CRACD: variants seen among roughly 807,000 people sequenced by gnomAD.
The protein encoded by CRACD is capping protein inhibiting regulator of actin dynamics, also known as capping protein-inhibiting regulator of actin dynamics.
CRACD carries 56 observed loss-of-function variants against 106.8 expected under a neutral mutation model. The ratio of observed to expected loss-of-function variants is 0.52; its 90% CI spans 0.42 to 0.66. The LOEUF (loss-of-function observed/expected upper bound fraction) is 0.66. CRACD is among the 30% of genes least tolerant of loss of function. CRACD has a pLI of 0.00. For missense variants in CRACD, 1,730 were observed against 1,623.2 expected (o/e 1.07, Z -1.13); for synonymous variants, 754 against 670.8 (o/e 1.12, Z -1.92).
intron 2 of CRACD, among the ~76,000 whole-genome samples, chr4:56,198,077 A>G (rs937504409): frequency 3.3e-5 from 5 of 152,012 alleles, no homozygotes; most frequent in African/African-American, 9.7e-5. Context: ...GAAATCACTA[A>G]TTTACTTTGC....
chr4:56,185,815 A>G (rs554290987), intron 2 of CRACD, among the ~76,000 whole-genome samples: 2 of 152,330 alleles, frequency 1.3e-5, no homozygotes, highest in East Asian at 3.9e-4. Flanking sequence ...ACTTCAGTTT[A>G]TCCCATCATC....
intron 1 of CRACD, among the ~76,000 whole-genome samples, chr4:56,165,298 C>A (rs1215633041): frequency 6.6e-6 from 1 of 152,194 alleles, no homozygotes; most frequent in Non-Finnish European, 1.5e-5. Flanking sequence ...GTAGCAGCAA[C>A]AGACAGAAAT....
intron 1 of CRACD, among the ~76,000 whole-genome samples, chr4:56,174,176 A>G (rs1208519597): frequency 3.3e-5 from 5 of 152,220 alleles, no homozygotes; most frequent in African/African-American, 9.6e-5. Flanking sequence ...TAATGGATAC[A>G]TAATAGTTGT....
At chr4:56,298,558 C>A (rs563660365) in intron 4 of CRACD, among the ~76,000 whole-genome samples, 40 of 152,298 alleles carry the variant, frequency 2.6e-4, no homozygotes, top group African/African-American at 8.9e-4. Flanking sequence ...CTGCAGCCAT[C>A]TGCATGACAC....
chr4:56,278,843 C>T (rs1715503), intron 3 of CRACD, among the ~76,000 whole-genome samples: 68,564 of 151,868 alleles, frequency 0.45, 16,067 homozygotes, highest in African/African-American at 0.58. Context: ...TAATAGACAT[C>T]GCTCCACAAA....
intron 2 of CRACD, among the ~76,000 whole-genome samples, chr4:56,186,230 T>C (rs1737090277): frequency 6.6e-6 from 1 of 152,182 alleles, no homozygotes; most frequent in Non-Finnish European, 1.5e-5. Context: ...GGTCTAATAA[T>C]ACAGAACTTA....
intron 1 of CRACD, among the ~76,000 whole-genome samples, chr4:56,125,756 T>C (rs1052942490): frequency 4.9e-5 from 7 of 141,448 alleles, no homozygotes; most frequent in African/African-American, 1.9e-4. Flanking sequence ...ATTACTGTCA[T>C]TCTTCTTCTT....
rs186821124 is a variant in CRACD, at chr4:56,314,138, C to T, written c.636C>T (p.Pro212=). 1,256 of 1,614,170 alleles carry T rather than the reference C, an allele frequency of 7.8e-4. 2 individuals are homozygous for T. Among genetic ancestry groups the T allele is most frequent in the Admixed American group, 1.3e-3 (77 of 60,030 alleles). Residue 212 remains proline (P), a synonymous_variant, in exon 8 of 11, where the codon CCC becomes CCT. Transcript: ENST00000682029. The surrounding 1 kb of genome is among the most constrained non-coding windows in gnomAD (Gnocchi z 4.4). ...EDKPTWHEEE[P]NPLDSEEERR... ...AGCCAACGTGGCACGAAGAGGAACC[C>T]AATCCGCTGGATTCCGAGGAAGAGA...
chr4:56,279,265 G>A (rs536314512), intron 3 of CRACD, among the ~76,000 whole-genome samples: 34 of 152,266 alleles, frequency 2.2e-4, no homozygotes, highest in African/African-American at 6.7e-4. Context: ...CGCTCATGCC[G>A]GGAGCTGTAG....
At chr4:56,143,365 G>A (rs1392270585) in intron 1 of CRACD, among the ~76,000 whole-genome samples, 1 of 151,896 alleles carries the variant, frequency 6.6e-6, no homozygotes, top group East Asian at 1.9e-4. Flanking sequence ...CTTTTACTGT[G>A]TCTTTTTTGT....
At chr4:56,211,125 T>G (rs1056692373) in intron 2 of CRACD, among the ~76,000 whole-genome samples, 3 of 152,234 alleles carry the variant, frequency 2.0e-5, no homozygotes, top group Non-Finnish European at 4.4e-5. Context: ...ATTTGTAACA[T>G]TCCATTGTAA....
rs1022415990 is a variant in CRACD, at chr4:56,088,921, C to T, written c.-336+39622C>T. Among the ~76,000 whole-genome samples the T allele has an allele frequency of 1.7e-4, 26 of 152,250 alleles. 2 individuals carry two copies. The highest frequency in any genetic ancestry group is 1.0e-3 in the Admixed American group (16 of 15,292). The stretch of plus-strand genomic sequence containing the variant: ...TTGTATTTTTGGTAGAGACAGGTTT[C>T]GCCATGTTGGCCAGGCTGGTCTTGA... On this transcript the variant is annotated intron_variant, in intron 1 of 10. Coordinates refer to ENST00000682029, the MANE Select transcript of CRACD (RefSeq NM_001393381.1).
chr4:56,185,249 A>G (rs560297176), intron 2 of CRACD, among the ~76,000 whole-genome samples: 2 of 152,210 alleles, frequency 1.3e-5, no homozygotes, highest in Admixed American at 6.5e-5. Flanking sequence ...GAGCCAGCGC[A>G]CCCGGCCTTC....
At chr4:56,106,328 A>G (rs1733948395) in intron 1 of CRACD, among the ~76,000 whole-genome samples, 1 of 152,202 alleles carries the variant, frequency 6.6e-6, no homozygotes, top group South Asian at 2.1e-4. Context: ...AAACAACTGA[A>G]AGAGCACAGT....
intron 1 of CRACD, among the ~76,000 whole-genome samples, chr4:56,077,651 C>T (rs1228846994): frequency 6.6e-6 from 1 of 152,092 alleles, no homozygotes; most frequent in Non-Finnish European, 1.5e-5. Context: ...AAGCTGAATC[C>T]AGATTTTATG....
intron 1 of CRACD, among the ~76,000 whole-genome samples, chr4:56,127,023 G>A (rs1050113417): frequency 6.6e-6 from 1 of 152,234 alleles, no homozygotes; most frequent in Non-Finnish European, 1.5e-5. Flanking sequence ...AGTGTTGGGA[G>A]ATGGGGCCTT....
intron 1 of CRACD, among the ~76,000 whole-genome samples, chr4:56,070,300 C>CTTT (rs1732594561): frequency 2.4e-5 from 3 of 124,422 alleles, no homozygotes; most frequent in Admixed American, 7.8e-5. Context: ...AGTCCTTGCC[C>CTTT]ATTTTTTTTT....
intron 1 of CRACD, among the ~76,000 whole-genome samples, chr4:56,086,331 A>G (rs1374670260): frequency 6.6e-6 from 1 of 152,016 alleles, no homozygotes; most frequent in Admixed American, 6.6e-5. Flanking sequence ...AGGCTAGGGT[A>G]TAGTGTTGCA....
intron 3 of CRACD, among the ~76,000 whole-genome samples, chr4:56,283,351 T>G (rs1260921653): frequency 1.3e-5 from 2 of 152,226 alleles, no homozygotes; most frequent in Admixed American, 1.3e-4. Flanking sequence ...GCTGTTTTTT[T>G]GGTCACTTAG....
Sources: gnomAD v4.1 joint callset for allele counts (sites outside exome capture counted in the v4.1 genomes callset) on GRCh38, gnomAD v4.1.1 for gene constraint, Gnocchi (gnomAD v3.1) non-coding constraint, MANE v1.5 for transcripts, NCBI Gene and HGNC (gene_info 2026-07-23, HGNC 2026-07-21) for gene names.